The following CDK19 variants were observed in gnomAD, a reference collection of about 807,000 sequenced individuals.
The protein encoded by CDK19 is cyclin-dependent kinase 19.
In CDK19, 20 loss-of-function variants were observed where a neutral mutation model predicts 68.3. The observed-to-expected ratio is 0.29, with a 90% CI of 0.21 to 0.43. The LOEUF (loss-of-function observed/expected upper bound fraction) is 0.43, where lower values mean the gene tolerates loss of function less well. Ranked by LOEUF, CDK19 falls within the 20% of genes least tolerant of loss-of-function variation. CDK19 has a pLI of 1.00. For synonymous variants in CDK19, 221 were observed against 222.8 expected (o/e 0.99, Z 0.07); for missense variants, 339 against 623.5 (o/e 0.54, Z 4.86).
chr6:110,703,779 G>A (rs1774207406), intron 2 of CDK19, among the ~76,000 whole-genome samples: 1 of 152,130 alleles, frequency 6.6e-6, no homozygotes, highest in Admixed American at 6.5e-5. Flanking sequence ...GTTCAAGGCT[G>A]CAGTGAGCTA....
intron 2 of CDK19, among the ~76,000 whole-genome samples, chr6:110,688,546 C>T (rs759704473): frequency 1.1e-4 from 17 of 151,982 alleles, no homozygotes; most frequent in African/African-American, 3.9e-4. Flanking sequence ...CAGCCTACAC[C>T]GTGAACCAGG....
intron 3 of CDK19, 89 bp downstream of exon 3, chr6:110,670,342 C>T: frequency 1.6e-6 from 1 of 615,410 alleles, no homozygotes; most frequent in Non-Finnish European, 2.8e-6. Flanking sequence ...GCAAGCTTTC[C>T]TTTCTGTGCA....
chr6:110,739,757 G>C (rs1777511864), intron 2 of CDK19, among the ~76,000 whole-genome samples: 1 of 150,624 alleles, frequency 6.6e-6, no homozygotes, highest in South Asian at 2.1e-4. Flanking sequence ...CAGCCTCCCA[G>C]GTAGCTAGGA....
chr6:110,670,185 G>A (rs896336473), intron 3 of CDK19, among the ~76,000 whole-genome samples: 2 of 151,878 alleles, frequency 1.3e-5, no homozygotes, highest in African/African-American at 4.9e-5. Context: ...GCCAAAAAAA[G>A]TATAGTCTCC....
intron 2 of CDK19, among the ~76,000 whole-genome samples, chr6:110,728,122 T>C (rs1776467495): frequency 6.6e-6 from 1 of 151,812 alleles, no homozygotes; most frequent in African/African-American, 2.4e-5. Flanking sequence ...ACCCTGTCTC[T>C]ACTAAAAATA....
intron 1 of CDK19, among the ~76,000 whole-genome samples, chr6:110,750,022 G>A (rs1778368019): frequency 6.9e-6 from 1 of 145,372 alleles, no homozygotes; most frequent in Admixed American, 6.7e-5. Flanking sequence ...CGCCCGCCTT[G>A]GCCTCCCAAA....
chr6:110,800,261 C>T (rs779819317), intron 1 of CDK19, among the ~76,000 whole-genome samples: 103 of 152,080 alleles, frequency 6.8e-4, no homozygotes, highest in Admixed American at 1.4e-3. Flanking sequence ...CAGGAAGAAA[C>T]TGAAACCCTG....
intron 2 of CDK19, among the ~76,000 whole-genome samples, chr6:110,707,162 C>T (rs1774581661): frequency 6.6e-6 from 1 of 151,720 alleles, no homozygotes; most frequent in East Asian, 1.9e-4. Context: ...ATGGTGAAAC[C>T]CCATCTCTAC....
chr6:110,658,043 CATCAAT>C (rs1166668560), intron 4 of CDK19, among the ~76,000 whole-genome samples: 2 of 152,170 alleles, frequency 1.3e-5, no homozygotes, highest in African/African-American at 4.8e-5. Flanking sequence ...CTAGAAAACA[CATCAAT>C]ATTACCTTCT....
chr6:110,770,125 C>T (rs1429644778), intron 1 of CDK19, among the ~76,000 whole-genome samples: 1 of 152,108 alleles, frequency 6.6e-6, no homozygotes, highest in Non-Finnish European at 1.5e-5. Context: ...AAACTTGGTT[C>T]ATTGTAAAAT....
intron 2 of CDK19, among the ~76,000 whole-genome samples, chr6:110,694,914 C>T (rs959493910): frequency 2.6e-5 from 4 of 152,112 alleles, no homozygotes; most frequent in Non-Finnish European, 5.9e-5. Context: ...GTGAAGAGTT[C>T]GAGACTAGCC....
intron 1 of CDK19, among the ~76,000 whole-genome samples, chr6:110,751,406 T>C (rs1336354047): frequency 6.6e-6 from 1 of 151,598 alleles, no homozygotes; most frequent in African/African-American, 2.4e-5. Context: ...GCATGCTCCT[T>C]ATGAGAATCT....
intron 4 of CDK19, among the ~76,000 whole-genome samples, chr6:110,663,129 T>G (rs542677620): frequency 6.6e-6 from 1 of 152,314 alleles, no homozygotes; most frequent in South Asian, 2.1e-4. Context: ...CACATTTAAT[T>G]ATATGGATTT....
intron 2 of CDK19, among the ~76,000 whole-genome samples, chr6:110,684,366 G>A (rs1164813696): frequency 7.4e-6 from 1 of 134,442 alleles, no homozygotes; most frequent in East Asian, 2.4e-4. Context: ...TTGGGATTTC[G>A]ATAATCAACT....
At chr6:110,736,172 T>TC (rs781031769) in intron 2 of CDK19, among the ~76,000 whole-genome samples, 2 of 152,102 alleles carry the variant, frequency 1.3e-5, no homozygotes, top group Non-Finnish European at 2.9e-5. Context: ...AGAAACCCTG[T>TC]CTCTACTAAA....
chr6:110,694,224 C>G (rs1017998601), intron 2 of CDK19, among the ~76,000 whole-genome samples: 2 of 152,288 alleles, frequency 1.3e-5, no homozygotes, highest in Admixed American at 6.5e-5. Flanking sequence ...ACCCACCAAC[C>G]AAGTATCTGC....
intron 2 of CDK19, among the ~76,000 whole-genome samples, chr6:110,722,967 TC>T (rs1265102578): frequency 1.3e-5 from 2 of 152,024 alleles, no homozygotes; most frequent in African/African-American, 4.8e-5. Context: ...TGACAGAATG[TC>T]TTTTCTAAAG....
intron 1 of CDK19, among the ~76,000 whole-genome samples, chr6:110,801,793 G>A (rs1300129300): frequency 1.3e-5 from 2 of 152,174 alleles, no homozygotes; most frequent in African/African-American, 4.8e-5. Context: ...TTACAGGCAT[G>A]AGCCACCACA....
chr6:110,672,483 T>C (rs1433846523), intron 2 of CDK19, among the ~76,000 whole-genome samples: 1 of 152,220 alleles, frequency 6.6e-6, no homozygotes, highest in Non-Finnish European at 1.5e-5. Flanking sequence ...TTAAAAAATT[T>C]GTTTTGACTA....
Sources: gnomAD v4.1 joint callset for allele counts (sites outside exome capture counted in the v4.1 genomes callset) on GRCh38, gnomAD v4.1.1 for gene constraint, MANE v1.5 for transcripts, NCBI Gene and HGNC (gene_info 2026-07-23, HGNC 2026-07-21) for gene names.